The following FRMD7 variants were observed in gnomAD, a reference collection of about 807,000 sequenced individuals.
The protein encoded by FRMD7 is FERM domain-containing protein 7.
FRMD7 carries 14 observed loss-of-function variants against 44.1 expected under a neutral mutation model. The observed-to-expected ratio is 0.32, with a 90% CI of 0.21 to 0.50. The LOEUF is 0.50. FRMD7 is among the 20% of genes least tolerant of loss of function. The probability of loss-of-function intolerance (pLI) is 0.99; values close to 1 mark genes in which losing one functional copy is unlikely to be tolerated. For synonymous variants in FRMD7, 212 were observed against 187.4 expected (o/e 1.13, Z -1.07); for missense variants, 501 against 522.3 (o/e 0.96, Z 0.40).
At chrX:132,116,051 A>G (rs903967967) in intron 1 of FRMD7, among the ~76,000 whole-genome samples, 15 of 111,597 alleles carry the variant, frequency 1.3e-4, no homozygotes, top group African/African-American at 4.9e-4. Context: ...ACTCTAACAC[A>G]TGAAATGTTT....
chrX:132,100,082 A>AG (rs768732631), intron 2 of FRMD7, among the ~76,000 whole-genome samples: 4 of 112,263 alleles, frequency 3.6e-5, no homozygotes, highest in Non-Finnish European at 5.6e-5. Context: ...AGCTGCTCAC[A>AG]GAGTGACAAA....
At chrX:132,085,514 C>G (rs757586677) in intron 7 of FRMD7, 67 bp downstream of exon 7, 195 of 1,072,955 alleles carry the variant, frequency 1.8e-4, no homozygotes, top group Non-Finnish European at 2.4e-4. Flanking sequence ...GGAAAGGACA[C>G]CCAAGTTTGA....
At position 132,097,318 on chromosome X, in the gene FRMD7, T is replaced by C. The variant is rs140409306; in HGVS notation, c.232A>G (p.Met78Val). 5.1e-5 allele frequency: 61 copies of C among 1,188,192 alleles called. No individual in the cohort carries two copies. In the African/African-American group the frequency reaches 9.9e-4, roughly 19 times the overall value. The change falls in exon 4 of 12, where the codon ATG becomes GTG. Residue 78 changes from methionine (M) to valine (V), a missense_variant. Around this residue, in one of 3 missense-constraint regions of FRMD7, gnomAD observed 24 missense variants for 48.0 expected, o/e 0.50. Transcript: ENST00000298542. ...KNPKEIVFKF[M>V]VKFFPVDPGH... ...GGGTCCACTGGGAAAAATTTCACCA[T>C]AAATTTGAAAACAATCTCCTTAGGA...
chrX:132,084,378 C>A, intron 8 of FRMD7, 112 bp downstream of exon 8: 1 of 543,768 alleles, frequency 1.8e-6, no homozygotes, highest in Non-Finnish European at 3.3e-6. Flanking sequence ...AAAGACACAC[C>A]ATCACTCAGG....
At chrX:132,115,768 C>T (rs1928882568) in intron 1 of FRMD7, among the ~76,000 whole-genome samples, 1 of 111,608 alleles carries the variant, frequency 9.0e-6, no homozygotes, top group African/African-American at 3.3e-5. Flanking sequence ...TCGAATTTGA[C>T]ATTTGCTTTT....
At position 132,080,190 on chromosome X, in the gene FRMD7, T is replaced by A. The variant is rs1927762550; in HGVS notation, c.974+8A>T. On this transcript the variant is annotated splice_region_variant and intron_variant, in intron 10 of 11. Transcript: ENST00000298542. ...ATCAACACGAGCAAGAGAAACAAAATCATGTACCTTTCAAATGGCAAGCTC... is the reference window on the plus strand; with the variant it reads ...ATCAACACGAGCAAGAGAAACAAAAACATGTACCTTTCAAATGGCAAGCTC... 1 of 1,195,013 alleles carries A rather than the reference T, an allele frequency of 8.4e-7. No individual in the cohort carries two copies. The highest frequency in any genetic ancestry group is 1.8e-5 in the South Asian group (1 of 56,427).
chrX:132,092,689 CG>C (rs1266597206), intron 5 of FRMD7, among the ~76,000 whole-genome samples: 2 of 111,807 alleles, frequency 1.8e-5, no homozygotes, highest in Non-Finnish European at 3.8e-5. Context: ...TGAGCTCCCC[CG>C]TCAGAGACTG....
chrX:132,085,858 A>C, intron 6 of FRMD7, 62 bp downstream of exon 6: 1 of 1,014,032 alleles, frequency 9.9e-7, no homozygotes, highest in Non-Finnish European at 1.4e-6. Flanking sequence ...TGCTCTTAAG[A>C]GTCTGTCCCC....
chrX:132,108,250 G>C (rs1205450019), intron 1 of FRMD7, among the ~76,000 whole-genome samples: 1 of 111,899 alleles, frequency 8.9e-6, no homozygotes, highest in Non-Finnish European at 1.9e-5. Context: ...CCAGCAGCTG[G>C]GTGGGAGTGA....
chrX:132,108,775 C>T (rs1928707754), intron 1 of FRMD7, among the ~76,000 whole-genome samples: 1 of 111,044 alleles, frequency 9.0e-6, no homozygotes, highest in African/African-American at 3.3e-5. Context: ...TTCCCCCATA[C>T]TGTTCTCATG....
At chrX:132,082,593 G>A in intron 8 of FRMD7, 67 bp from the exon 9 acceptor site, 1 of 1,003,393 alleles carries the variant, frequency 1.0e-6, no homozygotes, top group East Asian at 3.0e-5. Context: ...AAATCCCAAT[G>A]CCTTCCAAAC....
At position 132,127,815 on chromosome X, in the gene FRMD7, A is replaced by G. The variant is rs755308108; in HGVS notation, c.30T>C (p.Asp10=). ...CAACCACAAAAATCTTCTGGGAATC[A>G]TCCAAAAACTGCACTTTTAAATGTA... The part of the protein sequence containing the change: MLHLKVQFL[D]DSQKIFVVDQ... The change falls in exon 1 of 12, where the codon GAT becomes GAC. Residue 10 remains aspartate, a synonymous_variant. Transcript: ENST00000298542. The G allele has an allele frequency of 1.7e-5, 21 of 1,207,678 alleles. No individual in the cohort carries two copies. The East Asian group carries it at 5.3e-4, about 31-fold the overall frequency.
rs774238649 is a variant in FRMD7 at position 132,081,943 on chromosome X, G to T, written c.905+420C>A. 2.7e-5 allele frequency among the ~76,000 whole-genome samples: 3 copies of T among 111,843 alleles called. No individual in the cohort carries two copies. The East Asian group carries it at 8.5e-4, about 32-fold the overall frequency. On this transcript the variant is annotated intron_variant, in intron 9 of 11. Transcript: ENST00000298542. ...CCTCCAAAGTGTGACCTGTAGTGAG[G>T]ATTCTCTAGTGGCATATTGTTCAAT...
At chrX:132,115,957 A>G (rs1169551372) in intron 1 of FRMD7, among the ~76,000 whole-genome samples, 1 of 110,782 alleles carries the variant, frequency 9.0e-6, no homozygotes, top group Non-Finnish European at 1.9e-5. Flanking sequence ...TCTTCTGGCA[A>G]CCCCATTTCG....
intron 1 of FRMD7, among the ~76,000 whole-genome samples, chrX:132,123,041 A>G (rs758237422): frequency 8.9e-6 from 1 of 111,852 alleles, no homozygotes; most frequent in African/African-American, 3.2e-5. Context: ...TGAAAGGACC[A>G]TGTTCTCTTG....
chrX:132,089,445 A>T (rs1445111993), intron 5 of FRMD7, among the ~76,000 whole-genome samples: 1 of 111,788 alleles, frequency 8.9e-6, no homozygotes, highest in Non-Finnish European at 1.9e-5. Context: ...TTAGGCAAAG[A>T]GTTCTTAGAT....
chrX:132,103,171 T>A (rs1218826027), intron 1 of FRMD7, among the ~76,000 whole-genome samples: 1 of 112,032 alleles, frequency 8.9e-6, no homozygotes, highest in Non-Finnish European at 1.9e-5. Context: ...ATAGGTAAGG[T>A]CTTGGTTCTG....
At chrX:132,096,551 A>G (rs1363612143) in intron 4 of FRMD7, among the ~76,000 whole-genome samples, 1 of 88,216 alleles carries the variant, frequency 1.1e-5, no homozygotes, top group Non-Finnish European at 2.2e-5. Context: ...CCCCATCTCT[A>G]AAAAAAAAAA....
At chrX:132,086,367 T>G (rs770296791) in intron 5 of FRMD7, among the ~76,000 whole-genome samples, 2 of 111,723 alleles carry the variant, frequency 1.8e-5, no homozygotes, top group East Asian at 5.6e-4. Flanking sequence ...TTACTTTCAA[T>G]CAGCCACTGG....
Sources: allele counts gnomAD v4.1 joint callset (sites outside exome capture counted in the v4.1 genomes callset), GRCh38; gene constraint gnomAD v4.1.1; regional missense constraint gnomAD v4.1.1; transcripts MANE v1.5; gene names NCBI Gene and HGNC (gene_info 2026-07-23, HGNC 2026-07-21).